Variants in ADCY2 observed in about 807,000 individuals in gnomAD.
ADCY2 encodes adenylate cyclase 2.
In ADCY2, 31 loss-of-function variants were observed where a neutral mutation model predicts 125.2. The ratio of observed to expected loss-of-function variants is 0.25; its 90% CI spans 0.19 to 0.33. The LOEUF is 0.33. Among genes scored for constraint, ADCY2 ranks in the 10% least tolerant of loss-of-function variants. The probability of loss-of-function intolerance (pLI) is 1.00; values close to 1 mark genes in which losing one functional copy is unlikely to be tolerated. For missense variants in ADCY2, 904 were observed against 1,418.2 expected, an observed-to-expected ratio of 0.64 and a Z score of 5.82; for synonymous variants, 512 against 548.4, an observed-to-expected ratio of 0.93 and a Z score of 0.93.
At chr5:7,545,274 C>G (rs1270446756) in intron 3 of ADCY2, among the ~76,000 whole-genome samples, 1 of 152,218 alleles carries the variant, frequency 6.6e-6, no homozygotes, top group Admixed American at 6.5e-5. Context: ...GCATCCCTCT[C>G]TACAGTGCTT....
Position 7,542,523 on chromosome 5 carries a change from A to G in ADCY2, c.570+21624A>G, listed in dbSNP as rs141731034. ...CAATTCTGTCCTTTCATGATTTGCT[A>G]AACAAAGTGTAGTGCATTTATGTAA... On this transcript the variant is annotated intron_variant, in intron 3 of 24. Transcript: ENST00000338316. 5.3e-5 allele frequency among the ~76,000 whole-genome samples: 8 copies of G among 152,324 alleles called. No individual in the cohort carries two copies. In the East Asian group the frequency reaches 1.5e-3, roughly 29 times the overall value.
At chr5:7,525,182 A>G (rs2126538371) in intron 3 of ADCY2, among the ~76,000 whole-genome samples, 1 of 151,870 alleles carries the variant, frequency 6.6e-6, no homozygotes, top group South Asian at 2.1e-4. Context: ...TCTTTTTTGT[A>G]TTTTAGTGGA....
At chr5:7,625,450 G>A (rs888944713) in intron 3 of ADCY2, among the ~76,000 whole-genome samples, 7 of 152,322 alleles carry the variant, frequency 4.6e-5, no homozygotes, top group African/African-American at 1.4e-4. Flanking sequence ...GGAAAGCAGA[G>A]TGTTCTGCTT....
chr5:7,698,130 T>A, intron 6 of ADCY2, 117 bp from the exon 7 acceptor site: 1 of 1,267,210 alleles, frequency 7.9e-7, no homozygotes, highest in African/African-American at 1.5e-5. Context: ...TTCTCATTGC[T>A]CTCTCCAGAT....
At chr5:7,727,112 G>T in intron 13 of ADCY2, 52 bp from the exon 14 acceptor site, 1 of 1,380,352 alleles carries the variant, frequency 7.2e-7, no homozygotes, top group Non-Finnish European at 1.0e-6. Flanking sequence ...GACACTGTGT[G>T]CAGCTCTTCT....
At chr5:7,416,673 ATTC>A in intron 2 of ADCY2, among the ~76,000 whole-genome samples, 1 of 152,196 alleles carries the variant, frequency 6.6e-6, no homozygotes, top group Non-Finnish European at 1.5e-5. Context: ...AAACAATAGT[ATTC>A]TTATGCATCA....
chr5:7,790,902 A>T (rs1744231309), intron 20 of ADCY2, among the ~76,000 whole-genome samples: 1 of 152,152 alleles, frequency 6.6e-6, no homozygotes, highest in Non-Finnish European at 1.5e-5. Flanking sequence ...AAAAGAGAGG[A>T]GTCAGGAAAA....
chr5:7,625,379 TA>T (rs946610645), intron 3 of ADCY2, among the ~76,000 whole-genome samples: 1 of 152,194 alleles, frequency 6.6e-6, no homozygotes, highest in Non-Finnish European at 1.5e-5. Context: ...CTTGACAAAG[TA>T]AAGTATGCCA....
intron 22 of ADCY2, among the ~76,000 whole-genome samples, chr5:7,810,726 G>T (rs944935712): frequency 5.3e-5 from 8 of 152,240 alleles, no homozygotes; most frequent in Admixed American, 3.9e-4. Flanking sequence ...ACAACAGCCA[G>T]CTGGAGCATA....
At chr5:7,788,835 ACT>A (rs947282726) in intron 19 of ADCY2, among the ~76,000 whole-genome samples, 6 of 152,096 alleles carry the variant, frequency 3.9e-5, no homozygotes, top group African/African-American at 1.4e-4. Context: ...TGAAATACAC[ACT>A]CTCCACTAAG....
At chr5:7,703,088 C>A (rs1279816648) in intron 7 of ADCY2, among the ~76,000 whole-genome samples, 4 of 149,262 alleles carry the variant, frequency 2.7e-5, no homozygotes, top group African/African-American at 4.9e-5. Context: ...TGATTTTTTT[C>A]TTGTAAATTT....
intron 4 of ADCY2, among the ~76,000 whole-genome samples, chr5:7,686,247 T>A (rs1223246805): frequency 6.6e-6 from 1 of 152,158 alleles, no homozygotes; most frequent in Non-Finnish European, 1.5e-5. Context: ...AAAAAAGACA[T>A]AAAATGTAGC....
intron 4 of ADCY2, among the ~76,000 whole-genome samples, chr5:7,663,331 C>A (rs1739600362): frequency 6.6e-6 from 1 of 152,236 alleles, no homozygotes; most frequent in Non-Finnish European, 1.5e-5. Flanking sequence ...TTCCAGGAAG[C>A]CCCAGGCACT....
At chr5:7,648,028 G>A (rs1048558953) in intron 4 of ADCY2, among the ~76,000 whole-genome samples, 2 of 152,152 alleles carry the variant, frequency 1.3e-5, no homozygotes, top group Non-Finnish European at 2.9e-5. Flanking sequence ...ATAAAATGAG[G>A]ATTCTAGACC....
At chr5:7,666,092 C>T (rs1377008415) in intron 4 of ADCY2, among the ~76,000 whole-genome samples, 3 of 151,484 alleles carry the variant, frequency 2.0e-5, no homozygotes, top group East Asian at 2.0e-4. Context: ...CCCGCCTTGG[C>T]CTCCCAAAGT....
chr5:7,679,849 T>C (rs761376838), intron 4 of ADCY2, among the ~76,000 whole-genome samples: 1 of 152,184 alleles, frequency 6.6e-6, no homozygotes, highest in Non-Finnish European at 1.5e-5. Context: ...TCTTCCTCTG[T>C]TGTAAGATGA....
chr5:7,703,218 A>G (rs1162518627), intron 7 of ADCY2, among the ~76,000 whole-genome samples: 1 of 152,082 alleles, frequency 6.6e-6, no homozygotes, highest in Admixed American at 6.6e-5. Context: ...TGCTGTGCAG[A>G]AGCTCTTTAA....
intron 24 of ADCY2, 42 bp from the exon 25 acceptor site, chr5:7,826,677 G>C: frequency 6.2e-7 from 1 of 1,613,802 alleles, no homozygotes; most frequent in Non-Finnish European, 8.5e-7. Context: ...TTGTATCAAT[G>C]TATGTACTAA....
At chr5:7,510,536 T>A (rs72709178) in intron 2 of ADCY2, among the ~76,000 whole-genome samples, 1 of 152,064 alleles carries the variant, frequency 6.6e-6, no homozygotes, top group Non-Finnish European at 1.5e-5. Flanking sequence ...AGTTCCCAGG[T>A]GTGGCTAGGC....
Sources: allele counts gnomAD v4.1 joint callset (sites outside exome capture counted in the v4.1 genomes callset), GRCh38; gene constraint gnomAD v4.1.1; transcripts MANE v1.5; gene names NCBI Gene and HGNC (gene_info 2026-07-23, HGNC 2026-07-21).